The following TEX2 variants were observed in gnomAD, a reference collection of about 807,000 sequenced individuals.
TEX2 encodes the protein testis-expressed protein 2.
A neutral mutation model predicts 106.9 loss-of-function variants in TEX2; 53 were observed. That is an observed-to-expected ratio of 0.50 (90% confidence interval 0.40 to 0.62). TEX2 has a LOEUF of 0.62. Among genes scored for constraint, TEX2 ranks in the 20% least tolerant of loss-of-function variants. TEX2 has a pLI of 0.00. For missense variants in TEX2, 1,207 were observed against 1,379.0 expected (o/e 0.88, Z 1.98); for synonymous variants, 523 against 534.8 (o/e 0.98, Z 0.30).
intron 1 of TEX2, among the ~76,000 whole-genome samples, chr17:64,236,430 T>C (rs1478701658): frequency 1.3e-5 from 2 of 152,172 alleles, no homozygotes; most frequent in African/African-American, 4.8e-5. Flanking sequence ...CTGGGTGTGA[T>C]GGCTCACGCC....
At chr17:64,229,975 A>G (rs2033618398) in intron 1 of TEX2, among the ~76,000 whole-genome samples, 1 of 152,224 alleles carries the variant, frequency 6.6e-6, no homozygotes, top group East Asian at 1.9e-4. Flanking sequence ...CCTCCTTTTC[A>G]CACAGGCATC....
In TEX2 at chr17:64,210,706, T is replaced by C. The variant is rs1351685117; in HGVS notation, c.1644+1868A>G. ...CATTTTTAGAGCATTCTCATTTAAA[T>C]AGATGGGAGAATAATACCTTTAATT... On this transcript the variant is annotated intron_variant, in intron 2 of 11. Transcript: ENST00000584379. Among the ~76,000 whole-genome samples, 6 of 141,298 alleles carry C rather than the reference T, an allele frequency of 4.2e-5. No individual in the cohort carries two copies. The East Asian group carries it at 1.1e-3, about 25-fold the overall frequency. The allele number at this position is 141,298 out of a possible 152,430, so 92.7% of individuals were successfully genotyped here.
chr17:64,257,259 A>C (rs2034200565), intron 1 of TEX2, among the ~76,000 whole-genome samples: 1 of 152,216 alleles, frequency 6.6e-6, no homozygotes, highest in South Asian at 2.1e-4. Flanking sequence ...TTCCACACAG[A>C]AAGGTTAGAT....
chr17:64,228,964 A>G, intron 1 of TEX2, among the ~76,000 whole-genome samples: 1 of 96,094 alleles, frequency 1.0e-5, no homozygotes, highest in East Asian at 3.3e-4. Flanking sequence ...ACACACACAC[A>G]CACACACCTT....
chr17:64,157,909 C>A (rs909244763), intron 8 of TEX2, among the ~76,000 whole-genome samples: 7 of 152,200 alleles, frequency 4.6e-5, no homozygotes, highest in African/African-American at 1.7e-4. Context: ...AGGCCAAGTG[C>A]CTTATAGGAA....
intron 7 of TEX2, among the ~76,000 whole-genome samples, chr17:64,166,194 C>T (rs1347430750): frequency 6.6e-6 from 1 of 152,160 alleles, no homozygotes; most frequent in Admixed American, 6.5e-5. Flanking sequence ...ACACAGTGGC[C>T]GGAGAGCAGC....
intron 4 of TEX2, 69 bp downstream of exon 4, chr17:64,193,490 G>A (rs1486925009): frequency 8.4e-7 from 1 of 1,189,160 alleles, no homozygotes; most frequent in Non-Finnish European, 1.1e-6. Context: ...CTTCCTACCT[G>A]GCATTCTTTC....
chr17:64,243,808 C>A (rs967629170), intron 1 of TEX2, among the ~76,000 whole-genome samples: 5 of 134,456 alleles, frequency 3.7e-5, no homozygotes, highest in African/African-American at 1.4e-4. Flanking sequence ...TAAAACACCA[C>A]TTTTTTTTTT....
At position 64,188,322 on chromosome 17, in the gene TEX2, G is replaced by A. The variant is rs1199847584; in HGVS notation, c.2270C>T (p.Ser757Leu). Residue 757 changes from serine to leucine, a missense_variant, in exon 5 of 12, where the codon TCA becomes TTA. By Grantham distance (145) the Ser-to-Leu change is moderately radical. Transcript: ENST00000584379. ...TGCCAGCTCCTTCTGCTTTGGCTGT[G>A]ACATGATCTCCTCCACACTGCCTTT... Reference protein sequence around the residue: ...SSKGSVEEIMSQPKQKELAGS... With the variant: ...SSKGSVEEIMLQPKQKELAGS... The A allele has an allele frequency of 1.9e-6, 3 of 1,614,176 alleles. No individual in the cohort carries two copies. The highest frequency in any genetic ancestry group is 2.5e-6 in the Non-Finnish European group (3 of 1,180,026).
intron 1 of TEX2, chr17:64,230,554 T>C (rs186048506): frequency 3.2e-4 from 49 of 152,288 alleles, no homozygotes; most frequent in African/African-American, 1.2e-3. Context: ...GATGAGATGA[T>C]TGGGATTCAG....
At chr17:64,154,296 G>A (rs1443178690) in intron 9 of TEX2, among the ~76,000 whole-genome samples, 1 of 152,182 alleles carries the variant, frequency 6.6e-6, no homozygotes, top group African/African-American at 2.4e-5. Flanking sequence ...GTAATTAAAA[G>A]ATCATTGTGG....
Position 64,147,787 on chromosome 17 carries a change from A to G in TEX2, c.*1182T>C, listed in dbSNP as rs2030120888. 6.6e-6 allele frequency: 1 copy of G among 152,644 alleles called. No individual in the cohort carries two copies. The highest frequency in any genetic ancestry group is 2.1e-4 in the South Asian group (1 of 4,828). 9.5% of individuals were successfully genotyped at this position (152,644 alleles called of 1,614,324 possible). ...TCATGTTCAGGCAAGGTGCTGTTTA[A>G]AAAACCACTATTAGCTTTGTCCACA... On this transcript the variant is annotated 3_prime_UTR_variant, in exon 12 of 12. Coordinates refer to ENST00000584379, the MANE Select transcript of TEX2 (RefSeq NM_001288732.2).
At chr17:64,210,153 C>T (rs1444902709) in intron 2 of TEX2, among the ~76,000 whole-genome samples, 2 of 152,178 alleles carry the variant, frequency 1.3e-5, no homozygotes, top group Non-Finnish European at 2.9e-5. Context: ...TTGGAGAGCA[C>T]GTACTTCAGG....
At chr17:64,163,180 C>T (rs1373802383) in intron 7 of TEX2, among the ~76,000 whole-genome samples, 1 of 152,146 alleles carries the variant, frequency 6.6e-6, no homozygotes, top group East Asian at 1.9e-4. Context: ...TGGAGTGCCA[C>T]CTGGTACGAT....
intron 2 of TEX2, among the ~76,000 whole-genome samples, chr17:64,197,450 T>C (rs1324541573): frequency 6.6e-6 from 1 of 152,210 alleles, no homozygotes; most frequent in South Asian, 2.1e-4. Context: ...ATATCTGTAG[T>C]GTCTATGGTG....
chr17:64,187,752 C>T (rs1435484975), intron 5 of TEX2, among the ~76,000 whole-genome samples: 2 of 152,180 alleles, frequency 1.3e-5, no homozygotes, highest in Non-Finnish European at 2.9e-5. Context: ...CTTTTCCCAC[C>T]TGGAGTGCTC....
At chr17:64,183,426 CTT>C (rs780685363) in intron 5 of TEX2, among the ~76,000 whole-genome samples, 1 of 151,864 alleles carries the variant, frequency 6.6e-6, no homozygotes, top group Non-Finnish European at 1.5e-5. Flanking sequence ...ACTCCAATTT[CTT>C]TCTTTCTTTC....
At chr17:64,178,031 GGTAATGT>G (rs1280039677) in intron 5 of TEX2, among the ~76,000 whole-genome samples, 1 of 152,170 alleles carries the variant, frequency 6.6e-6, no homozygotes, top group African/African-American at 2.4e-5. Flanking sequence ...ATGCTCCCCT[GGTAATGT>G]AATGAACAGG....
intron 2 of TEX2, among the ~76,000 whole-genome samples, chr17:64,204,626 G>A (rs1555630543): frequency 6.6e-6 from 1 of 152,188 alleles, no homozygotes; most frequent in Admixed American, 6.5e-5. Context: ...AATGAAAACA[G>A]TGAGTCAACA....
Sources: gnomAD v4.1 joint callset for allele counts (sites outside exome capture counted in the v4.1 genomes callset) on GRCh38, gnomAD v4.1.1 for gene constraint, MANE v1.5 for transcripts, NCBI Gene and HGNC (gene_info 2026-07-23, HGNC 2026-07-21) for gene names.